Variants in AKT3 observed in about 807,000 individuals in gnomAD.
AKT3 encodes AKT serine/threonine kinase 3, also known as RAC-gamma serine/threonine-protein kinase.
AKT3 carries 15 observed loss-of-function variants against 65.3 expected under a neutral mutation model. That is an observed-to-expected ratio of 0.23 (90% CI 0.15 to 0.35). AKT3 has a LOEUF of 0.35. Ranked by LOEUF, AKT3 falls within the 10% of genes least tolerant of loss-of-function variation. The pLI, the probability that AKT3 is intolerant of heterozygous loss-of-function variation, is 1.00. For synonymous variants in AKT3, 206 were observed against 183.8 expected (o/e 1.12, Z -0.98); for missense variants, 243 against 576.5 (o/e 0.42, Z 5.92).
chr1:243,538,785 CAGG>C (rs1672099795), intron 12 of AKT3, among the ~76,000 whole-genome samples: 1 of 151,062 alleles, frequency 6.6e-6, no homozygotes, highest in African/African-American at 2.4e-5. Context: ...TGCTTGAGCC[CAGG>C]AGTTCAAATC....
At chr1:243,553,014 G>A (rs1349729277) in intron 10 of AKT3, 71 bp from the exon 11 acceptor site, 1 of 1,216,482 alleles carries the variant, frequency 8.2e-7, no homozygotes, top group Non-Finnish European at 1.1e-6. Context: ...TAAAACATAA[G>A]ATTTTTACAT....
At chr1:243,846,262 T>C (rs1378623399) in intron 1 of AKT3, among the ~76,000 whole-genome samples, 2 of 152,130 alleles carry the variant, frequency 1.3e-5, no homozygotes, top group African/African-American at 2.4e-5. Flanking sequence ...CTTTCTAATA[T>C]AGATTCCAAT....
chr1:243,801,484 G>A (rs1692379263), intron 2 of AKT3, among the ~76,000 whole-genome samples: 1 of 152,062 alleles, frequency 6.6e-6, no homozygotes, highest in African/African-American at 2.4e-5. Context: ...TCTTTTCAGG[G>A]TTATTATTTC....
chr1:243,669,713 T>G (rs1170447940), intron 3 of AKT3, among the ~76,000 whole-genome samples: 1 of 152,184 alleles, frequency 6.6e-6, no homozygotes, highest in African/African-American at 2.4e-5. Flanking sequence ...TGTTATAAGA[T>G]TCCAAATATC....
rs561949452 is a variant in AKT3, at chr1:243,732,462, C to T, written c.47-36746G>A. Among the ~76,000 whole-genome samples the T allele has an allele frequency of 2.0e-5, 3 of 152,240 alleles. No homozygotes were observed. The South Asian group carries it at 6.2e-4, about 32-fold the overall frequency. On this transcript the variant is annotated intron_variant, in intron 2 of 13. Transcript: ENST00000673466. Reference sequence around the variant, plus strand: ...ACAGCAAATGTGTTTTTAAATAATACCCTCAGACTCTAGGTAGTCTAGAAA... The same window carrying T: ...ACAGCAAATGTGTTTTTAAATAATATCCTCAGACTCTAGGTAGTCTAGAAA...
At chr1:243,685,871 C>T (rs1436182333) in intron 3 of AKT3, among the ~76,000 whole-genome samples, 1 of 152,058 alleles carries the variant, frequency 6.6e-6, no homozygotes, top group Non-Finnish European at 1.5e-5. Flanking sequence ...CTTCTCAGCC[C>T]CAATCTCCTT....
At chr1:243,730,703 G>T (rs1171574703) in intron 2 of AKT3, among the ~76,000 whole-genome samples, 1 of 152,222 alleles carries the variant, frequency 6.6e-6, no homozygotes, top group Non-Finnish European at 1.5e-5. Flanking sequence ...CCCCCTGCTC[G>T]CCGAGCCGCG....
intron 12 of AKT3, among the ~76,000 whole-genome samples, chr1:243,524,109 A>G (rs1670894618): frequency 6.6e-6 from 1 of 152,232 alleles, no homozygotes; most frequent in South Asian, 2.1e-4. Flanking sequence ...CTGCAACACA[A>G]TGGTAAGTAT....
chr1:243,777,510 A>C (rs190220205), intron 2 of AKT3, among the ~76,000 whole-genome samples: 2 of 152,316 alleles, frequency 1.3e-5, no homozygotes, highest in Admixed American at 1.3e-4. Flanking sequence ...TATTAATAAC[A>C]TTTGGAAGGA....
rs555684705 is a variant in AKT3, at chr1:243,820,873, C to G, written c.46+22252G>C. ...GGAATATATACTTCAGGATATCATC[C>G]AGGAGAACTTCCCCAACCTAGTAAG... On this transcript the variant is annotated intron_variant, in intron 2 of 13. Coordinates refer to ENST00000673466, the MANE Select transcript of AKT3 (RefSeq NM_005465.7). 3.8e-4 allele frequency among the ~76,000 whole-genome samples: 58 copies of G among 152,202 alleles called. 1 individual carries two copies. The highest frequency in any genetic ancestry group is 1.3e-3 in the African/African-American group (54 of 41,516).
At chr1:243,701,335 C>T (rs1685448769) in intron 2 of AKT3, among the ~76,000 whole-genome samples, 1 of 152,158 alleles carries the variant, frequency 6.6e-6, no homozygotes, top group South Asian at 2.1e-4. Flanking sequence ...TTTAAGGCTA[C>T]ATTGTGTTCC....
chr1:243,713,745 A>AC (rs1686303942), intron 2 of AKT3, among the ~76,000 whole-genome samples: 8 of 92,512 alleles, frequency 8.6e-5, no homozygotes, highest in Non-Finnish European at 1.7e-4. Flanking sequence ...CTTTGCCTTA[A>AC]TAAAAAAAAA....
chr1:243,697,934 C>T (rs997727925), intron 2 of AKT3, among the ~76,000 whole-genome samples: 4 of 151,464 alleles, frequency 2.6e-5, no homozygotes, highest in Admixed American at 6.6e-5. Context: ...GATCAGTATC[C>T]TCCACATAAG....
At position 243,661,432 on chromosome 1, in the gene AKT3, C is replaced by T. The variant is rs1233112750; in HGVS notation, c.284+3340G>A. Among the ~76,000 whole-genome samples the T allele has an allele frequency of 3.3e-5, 5 of 151,898 alleles. No homozygotes were observed. The East Asian group carries it at 7.8e-4, about 24-fold the overall frequency. ...TACAACTATCTGATCTTTGACAAAC[C>T]TGAGAAAAACAAGCAATGGGGAAAG... On this transcript the variant is annotated intron_variant, in intron 4 of 13. Transcript: ENST00000673466.
Position 243,503,179 on chromosome 1 carries a change from G to A in AKT3, c.*2070C>T, listed in dbSNP as rs564075522. On this transcript the variant is annotated 3_prime_UTR_variant, in exon 14 of 14. Coordinates refer to ENST00000673466, the MANE Select transcript of AKT3 (RefSeq NM_005465.7). ...TAACTTCCTACTCAATACTAAGGAT[G>A]AACTTCACTCAGGTAGAAATATGAA... 1.1e-3 allele frequency: 250 copies of A among 233,624 alleles called. No homozygotes were observed. The highest frequency in any genetic ancestry group is 1.8e-3 in the Non-Finnish European group (210 of 118,030). The allele number at this position is 233,624 out of a possible 1,614,324, so 14.5% of individuals were successfully genotyped here.
rs1165096946 is a variant in AKT3 at position 243,751,134 on chromosome 1, T to C, written c.47-55418A>G. ...ATTTACACCAAACTCAACATAATTT[T>C]CTTAAATGCTTCTCAAAAAAAAAAA... On this transcript the variant is annotated intron_variant, in intron 2 of 13. Coordinates refer to ENST00000673466, the MANE Select transcript of AKT3 (RefSeq NM_005465.7). Among the ~76,000 whole-genome samples the C allele has an allele frequency of 2.6e-5, 4 of 152,190 alleles. No individual in the cohort carries two copies. In the East Asian group the frequency reaches 5.8e-4, roughly 22 times the overall value.
chr1:243,512,885 C>G, intron 12 of AKT3, among the ~76,000 whole-genome samples: 1 of 152,116 alleles, frequency 6.6e-6, no homozygotes, highest in East Asian at 1.9e-4. Context: ...CTTTGCCCTT[C>G]GTAAAGAACT....
intron 4 of AKT3, among the ~76,000 whole-genome samples, chr1:243,650,781 T>C (rs1303863455): frequency 6.6e-6 from 1 of 152,212 alleles, no homozygotes; most frequent in East Asian, 1.9e-4. Flanking sequence ...TTGGTACTAG[T>C]AGCATGCTGT....
chr1:243,664,994 C>A, intron 3 of AKT3, 111 bp from the exon 4 acceptor site: 1 of 446,162 alleles, frequency 2.2e-6, no homozygotes, highest in Non-Finnish European at 3.7e-6. Context: ...GAACTCACAG[C>A]TTTCTATGGT....
Sources: gnomAD v4.1 joint callset for allele counts (sites outside exome capture counted in the v4.1 genomes callset) on GRCh38, gnomAD v4.1.1 for gene constraint, MANE v1.5 for transcripts, NCBI Gene and HGNC (gene_info 2026-07-23, HGNC 2026-07-21) for gene names.